TRPC5: variants seen among roughly 807,000 people sequenced by gnomAD.
The protein encoded by TRPC5 is transient receptor potential cation channel subfamily C member 5.
TRPC5 carries 9 observed loss-of-function variants against 56.5 expected under a neutral mutation model. The observed-to-expected ratio is 0.16, with a 90% CI of 0.10 to 0.28. TRPC5 has a LOEUF of 0.28. TRPC5 is among the 10% of genes least tolerant of loss of function. TRPC5 has a pLI of 1.00. For missense variants in TRPC5, 469 were observed against 748.9 expected (o/e 0.63, Z 4.36); for synonymous variants, 282 against 278.5 (o/e 1.01, Z -0.13).
chrX:112,054,893 T>C (rs935184139), intron 1 of TRPC5, among the ~76,000 whole-genome samples: 1 of 111,033 alleles, frequency 9.0e-6, no homozygotes, highest in African/African-American at 3.3e-5. Flanking sequence ...ATGTCTCCTG[T>C]AGTTACCATA....
chrX:111,980,588 T>C (rs1233855774), intron 1 of TRPC5, among the ~76,000 whole-genome samples: 2 of 111,098 alleles, frequency 1.8e-5, no homozygotes, highest in Non-Finnish European at 3.8e-5. Context: ...ACATACATCA[T>C]TGTTTTTTCA....
At chrX:111,849,047 C>G (rs891730509) in intron 5 of TRPC5, among the ~76,000 whole-genome samples, 4 of 112,156 alleles carry the variant, frequency 3.6e-5, no homozygotes, top group African/African-American at 1.3e-4. Flanking sequence ...GATAGATCAG[C>G]CTTTAAAGGT....
At chrX:111,935,210 G>A (rs1926531442) in intron 2 of TRPC5, among the ~76,000 whole-genome samples, 1 of 111,840 alleles carries the variant, frequency 8.9e-6, no homozygotes, top group Admixed American at 9.5e-5. Flanking sequence ...TCATATCTCC[G>A]GTGATCAATG....
chrX:111,840,487 T>G (rs1180869214), intron 6 of TRPC5, among the ~76,000 whole-genome samples: 5 of 112,756 alleles, frequency 4.4e-5, no homozygotes, highest in Non-Finnish European at 9.4e-5. Context: ...TCAGTACAGA[T>G]GCAACCATTC....
chrX:112,081,331 T>C (rs1930961267), intron 1 of TRPC5, among the ~76,000 whole-genome samples: 1 of 111,758 alleles, frequency 8.9e-6, no homozygotes, highest in African/African-American at 3.3e-5. Context: ...CTTGGTTCCT[T>C]TAAGGAAGAC....
intron 2 of TRPC5, among the ~76,000 whole-genome samples, chrX:111,948,966 T>C (rs1356607654): frequency 9.0e-6 from 1 of 111,442 alleles, no homozygotes; most frequent in East Asian, 2.8e-4. Flanking sequence ...AGATCAACCA[T>C]GGAGAAGAGA....
intron 2 of TRPC5, among the ~76,000 whole-genome samples, chrX:111,951,020 A>C (rs1927073898): frequency 1.8e-5 from 2 of 112,143 alleles, no homozygotes; most frequent in African/African-American, 3.2e-5. Context: ...TTTAGGGAGA[A>C]TAATGCTATT....
intron 1 of TRPC5, among the ~76,000 whole-genome samples, chrX:111,999,153 C>A (rs758342125): frequency 1.3e-3 from 144 of 110,869 alleles, no homozygotes; most frequent in African/African-American, 4.3e-3. Context: ...TCCATGTGTT[C>A]TCATTGTTCA....
At chrX:111,822,056 A>G (rs149981087) in intron 7 of TRPC5, among the ~76,000 whole-genome samples, 40 of 111,624 alleles carry the variant, frequency 3.6e-4, no homozygotes, top group Non-Finnish European at 1.3e-4. Context: ...AGGAATGTCC[A>G]TGGGTAATTG....
At chrX:111,823,582 G>A (rs1922094480) in intron 7 of TRPC5, among the ~76,000 whole-genome samples, 1 of 111,219 alleles carries the variant, frequency 9.0e-6, no homozygotes, top group African/African-American at 3.3e-5. Flanking sequence ...GAGGCTGGAA[G>A]TATTAGGGGC....
At chrX:111,999,023 C>A (rs1381785194) in intron 1 of TRPC5, among the ~76,000 whole-genome samples, 1 of 111,372 alleles carries the variant, frequency 9.0e-6, no homozygotes, top group Non-Finnish European at 1.9e-5. Flanking sequence ...TTTGCTGCAC[C>A]TATCAACCCA....
At chrX:111,821,923 C>G (rs1289611685) in intron 7 of TRPC5, among the ~76,000 whole-genome samples, 1 of 111,117 alleles carries the variant, frequency 9.0e-6, no homozygotes, top group Admixed American at 9.6e-5. Flanking sequence ...TCCGGGGTAC[C>G]CTTTGGTTGG....
intron 1 of TRPC5, among the ~76,000 whole-genome samples, chrX:112,022,380 A>G (rs1490779319): frequency 1.8e-5 from 2 of 112,063 alleles, no homozygotes; most frequent in African/African-American, 3.2e-5. Context: ...CCTAGTTATC[A>G]GGTCCTCTAA....
chrX:112,027,559 C>T lies in TRPC5; in HGVS notation c.-22+54320G>A, dbSNP rs187757920. On this transcript the variant is annotated intron_variant, in intron 1 of 10. Coordinates refer to ENST00000262839, the MANE Select transcript of TRPC5 (RefSeq NM_012471.3). ...TCGCCCAGGCTGGAGTACAGTGGCG[C>T]GATCTTGGCTCACTGCAAGCTCCGC... Among the ~76,000 whole-genome samples, 402 of 111,057 alleles carry T rather than the reference C, an allele frequency of 3.6e-3. 4 individuals carry two copies. The highest frequency in any genetic ancestry group is 0.012 in the African/African-American group (377 of 30,557).
At chrX:111,931,834 A>G (rs759063341) in intron 2 of TRPC5, among the ~76,000 whole-genome samples, 1 of 111,776 alleles carries the variant, frequency 8.9e-6, no homozygotes, top group Non-Finnish European at 1.9e-5. Context: ...TATGGATAAT[A>G]GCATTATTCT....
chrX:111,840,885 G>T (rs1290618709), intron 6 of TRPC5, among the ~76,000 whole-genome samples: 1 of 112,242 alleles, frequency 8.9e-6, no homozygotes, highest in Non-Finnish European at 1.9e-5. Context: ...ATCTTCCTTG[G>T]TATCCTCATT....
intron 5 of TRPC5, among the ~76,000 whole-genome samples, chrX:111,848,457 A>G (rs1569526514): frequency 8.9e-6 from 1 of 112,568 alleles, no homozygotes; most frequent in Non-Finnish European, 1.9e-5. Context: ...TGGAAATACA[A>G]GGAATTACTT....
chrX:111,873,798 A>T (rs1426720355), intron 3 of TRPC5, among the ~76,000 whole-genome samples: 2 of 110,413 alleles, frequency 1.8e-5, no homozygotes, highest in African/African-American at 3.3e-5. Context: ...ATAAATAAAT[A>T]AAAAAAATTT....
chrX:112,013,462 C>T (rs1929043164), intron 1 of TRPC5, among the ~76,000 whole-genome samples: 1 of 111,560 alleles, frequency 9.0e-6, no homozygotes, highest in Non-Finnish European at 1.9e-5. Flanking sequence ...CATTTTGAAA[C>T]AGAACAGTTT....
Sources: gnomAD v4.1 joint callset for allele counts (sites outside exome capture counted in the v4.1 genomes callset) on GRCh38, gnomAD v4.1.1 for gene constraint, MANE v1.5 for transcripts, NCBI Gene and HGNC (gene_info 2026-07-23, HGNC 2026-07-21) for gene names.